The following SLIT3 variants were observed in gnomAD, a reference collection of about 807,000 sequenced individuals.
SLIT3 encodes slit guidance ligand 3, also known as slit homolog 3 protein.
In SLIT3, 68 loss-of-function variants were observed where a neutral mutation model predicts 184.0. That is an observed-to-expected ratio of 0.37 (90% confidence interval 0.30 to 0.45). The LOEUF is 0.45. Ranked by LOEUF, SLIT3 falls within the 20% of genes least tolerant of loss-of-function variation. SLIT3 has a pLI of 1.00. For synonymous variants in SLIT3, 831 were observed against 828.6 expected, an observed-to-expected ratio of 1.00 and a Z score of -0.05; for missense variants, 1,707 against 2,026.0, an observed-to-expected ratio of 0.84 and a Z score of 3.02.
At chr5:169,148,076 T>C (rs1029107981) in intron 4 of SLIT3, among the ~76,000 whole-genome samples, 2 of 152,198 alleles carry the variant, frequency 1.3e-5, no homozygotes, top group Non-Finnish European at 2.9e-5. Flanking sequence ...TCAGCCATCA[T>C]ATCTCCACGT....
intron 4 of SLIT3, among the ~76,000 whole-genome samples, chr5:169,049,744 GA>G (rs1426245535): frequency 1.3e-5 from 2 of 152,194 alleles, no homozygotes; most frequent in Non-Finnish European, 2.9e-5. Flanking sequence ...TGGGGTTGAC[GA>G]ATGATAGGCA....
intron 4 of SLIT3, among the ~76,000 whole-genome samples, chr5:169,000,228 C>T (rs1755656946): frequency 6.6e-6 from 1 of 151,604 alleles, no homozygotes; most frequent in South Asian, 2.1e-4. Flanking sequence ...CTCGTTTCTA[C>T]TAAAAATACA....
chr5:168,772,979 C>T (rs1355222898), intron 13 of SLIT3, 35 bp from the exon 14 acceptor site: 2 of 1,551,662 alleles, frequency 1.3e-6, no homozygotes, highest in Non-Finnish European at 1.7e-6. Context: ...TCAGGAGTGA[C>T]CCACGGCGTC....
At chr5:168,720,073 C>G (rs1253523054) in intron 23 of SLIT3, 1 of 152,000 alleles carries the variant, frequency 6.6e-6, no homozygotes, top group African/African-American at 2.4e-5. Context: ...GTTACCATGC[C>G]TGGCTAATTT....
chr5:169,169,753 G>C lies in SLIT3; in HGVS notation c.413+23726C>G, dbSNP rs1335830282. The stretch of plus-strand genomic sequence containing the variant: ...GAAGACTAAACTTGAGAGAGAAGCT[G>C]CATCACCACAGAAACACGACCTGAC... On this transcript the variant is annotated intron_variant, in intron 4 of 35. Coordinates refer to ENST00000519560, the MANE Select transcript of SLIT3 (RefSeq NM_003062.4). Among the ~76,000 whole-genome samples, 3 of 152,232 alleles carry C rather than the reference G, an allele frequency of 2.0e-5. No homozygotes were observed. In the South Asian group the frequency reaches 6.2e-4, roughly 32 times the overall value.
At chr5:169,208,018 A>G (rs918996693) in intron 3 of SLIT3, among the ~76,000 whole-genome samples, 4 of 152,180 alleles carry the variant, frequency 2.6e-5, no homozygotes, top group African/African-American at 9.7e-5. Flanking sequence ...CTAAGACTAC[A>G]CAATTCTTAT....
intron 5 of SLIT3, among the ~76,000 whole-genome samples, chr5:168,866,246 C>CA (rs1759296566): frequency 6.6e-6 from 1 of 152,160 alleles, no homozygotes; most frequent in Admixed American, 6.5e-5. Context: ...GGGAGAAACT[C>CA]AAAAAGGCTC....
At chr5:168,722,348 G>A (rs1260328047) in intron 22 of SLIT3, 21 bp from the exon 23 acceptor site, 2 of 1,610,944 alleles carry the variant, frequency 1.2e-6, no homozygotes, top group East Asian at 2.2e-5. Context: ...GGAGGCATGT[G>A]CCCTGTTGTG....
chr5:168,875,844 T>C (rs1176442440), intron 5 of SLIT3, among the ~76,000 whole-genome samples: 1 of 151,800 alleles, frequency 6.6e-6, no homozygotes, highest in East Asian at 1.9e-4. Flanking sequence ...ATGACCCCTG[T>C]CTTTAGATAG....
chr5:169,207,631 A>T (rs1254265449), intron 3 of SLIT3, among the ~76,000 whole-genome samples: 2 of 152,216 alleles, frequency 1.3e-5, no homozygotes, highest in African/African-American at 4.8e-5. Flanking sequence ...AAGAACGGCT[A>T]AATGACCTGA....
chr5:169,272,736 C>A (rs73805049), intron 1 of SLIT3, among the ~76,000 whole-genome samples: 277 of 152,328 alleles, frequency 1.8e-3, no homozygotes, highest in African/African-American at 6.1e-3. Flanking sequence ...GACCCCAGCT[C>A]CCAGGGAAAA....
intron 9 of SLIT3, among the ~76,000 whole-genome samples, chr5:168,798,529 T>C (rs949445464): frequency 1.3e-5 from 2 of 152,110 alleles, no homozygotes; most frequent in African/African-American, 4.8e-5. Flanking sequence ...ACGCCTGGCC[T>C]GGGTTTCATT....
chr5:169,217,422 C>T (rs1429159753), intron 3 of SLIT3, among the ~76,000 whole-genome samples: 1 of 152,148 alleles, frequency 6.6e-6, no homozygotes, highest in Non-Finnish European at 1.5e-5. Flanking sequence ...CAGGGCTCGA[C>T]TTTGTGGCTG....
At chr5:169,082,884 CA>C (rs1759128168) in intron 4 of SLIT3, among the ~76,000 whole-genome samples, 1 of 152,218 alleles carries the variant, frequency 6.6e-6, no homozygotes, top group Non-Finnish European at 1.5e-5. Flanking sequence ...GCCTCAATAA[CA>C]CCACTCACAC....
chr5:168,757,389 G>A (rs189159524), intron 16 of SLIT3, among the ~76,000 whole-genome samples: 55 of 152,244 alleles, frequency 3.6e-4, no homozygotes, highest in African/African-American at 1.3e-3. Flanking sequence ...CTACTCCCAG[G>A]CTCCTGAAAG....
At chr5:169,265,176 C>A (rs1243715329) in intron 1 of SLIT3, among the ~76,000 whole-genome samples, 1 of 152,210 alleles carries the variant, frequency 6.6e-6, no homozygotes, top group Non-Finnish European at 1.5e-5. Context: ...AACAAACAAA[C>A]AAACAAAACG....
intron 4 of SLIT3, among the ~76,000 whole-genome samples, chr5:169,089,242 T>G (rs899085767): frequency 5.9e-5 from 9 of 151,962 alleles, no homozygotes; most frequent in African/African-American, 2.2e-4. Flanking sequence ...TCCACCACTG[T>G]GTGTAAGGAC....
At chr5:168,902,066 A>AT (rs1399641976) in intron 4 of SLIT3, among the ~76,000 whole-genome samples, 6 of 152,040 alleles carry the variant, frequency 3.9e-5, no homozygotes, top group Non-Finnish European at 7.4e-5. Flanking sequence ...TAACTTTTGT[A>AT]TTTTTAGTAG....
intron 4 of SLIT3, among the ~76,000 whole-genome samples, chr5:169,150,058 C>A (rs556648174): frequency 6.6e-6 from 1 of 152,172 alleles, no homozygotes; most frequent in Non-Finnish European, 1.5e-5. Flanking sequence ...AAGTTAGATG[C>A]CAAAACCAGG....
Sources: gnomAD v4.1 joint callset for allele counts (sites outside exome capture counted in the v4.1 genomes callset) on GRCh38, gnomAD v4.1.1 for gene constraint, MANE v1.5 for transcripts, NCBI Gene and HGNC (gene_info 2026-07-23, HGNC 2026-07-21) for gene names.